CDC42BPA: variants seen among roughly 807,000 people sequenced by gnomAD.
CDC42BPA encodes CDC42 binding protein kinase alpha, also known as serine/threonine-protein kinase MRCK alpha.
In CDC42BPA, 80 loss-of-function variants were observed where a neutral mutation model predicts 223.5. The ratio of observed to expected loss-of-function variants is 0.36; its 90% CI spans 0.30 to 0.43. The LOEUF (loss-of-function observed/expected upper bound fraction) is 0.43, where lower values mean the gene tolerates loss of function less well. Among genes scored for constraint, CDC42BPA ranks in the 20% least tolerant of loss-of-function variants. The probability of loss-of-function intolerance (pLI) is 1.00; values close to 1 mark genes in which losing one functional copy is unlikely to be tolerated. For missense variants in CDC42BPA, 1,743 were observed against 2,099.9 expected (o/e 0.83, Z 3.32); for synonymous variants, 694 against 718.6 (o/e 0.97, Z 0.55).
intron 2 of CDC42BPA, among the ~76,000 whole-genome samples, chr1:227,231,555 C>T (rs1352842458): frequency 6.6e-6 from 1 of 152,012 alleles, no homozygotes; most frequent in African/African-American, 2.4e-5. Context: ...GAGGAATTGC[C>T]ACACTGTCTT....
At chr1:227,294,237 A>T (rs1308106018) in intron 1 of CDC42BPA, among the ~76,000 whole-genome samples, 1 of 151,830 alleles carries the variant, frequency 6.6e-6, no homozygotes, top group Non-Finnish European at 1.5e-5. Flanking sequence ...GCGCCACTGC[A>T]CTCCAGCCTG....
chr1:227,074,507 T>C, intron 17 of CDC42BPA, 143 bp from the exon 18 acceptor site: 4 of 586,114 alleles, frequency 6.8e-6, no homozygotes, highest in Non-Finnish European at 1.2e-5. Context: ...TCTACCATAG[T>C]ATACTACCTG....
At chr1:227,159,885 C>A (rs577067601) in intron 6 of CDC42BPA, among the ~76,000 whole-genome samples, 1 of 151,866 alleles carries the variant, frequency 6.6e-6, no homozygotes, top group South Asian at 2.1e-4. Flanking sequence ...TCACTGTTGC[C>A]CAGGCTGGAG....
At chr1:227,149,421 GA>G (rs1311342501) in intron 6 of CDC42BPA, among the ~76,000 whole-genome samples, 1 of 152,156 alleles carries the variant, frequency 6.6e-6, no homozygotes, top group African/African-American at 2.4e-5. Flanking sequence ...AAATCTTGCT[GA>G]ATATGAACTC....
intron 1 of CDC42BPA, among the ~76,000 whole-genome samples, chr1:227,264,582 A>T (rs1250941338): frequency 2.0e-5 from 3 of 151,938 alleles, no homozygotes; most frequent in Non-Finnish European, 2.9e-5. Flanking sequence ...GAGAGAAACA[A>T]GCAAGTCACG....
In CDC42BPA at chr1:227,146,566, G is replaced by A. The variant is rs1346511723; in HGVS notation, c.894+793C>T. The stretch of plus-strand genomic sequence containing the variant: ...CTTCTATCGGATATTCATATTCTAA[G>A]TATTTGCAACTGCTCACAATCTTCT... On this transcript the variant is annotated intron_variant, in intron 7 of 36. Transcript: ENST00000366766. Among the ~76,000 whole-genome samples, 3 of 152,056 alleles carry A rather than the reference G, an allele frequency of 2.0e-5. No homozygotes were observed. In the East Asian group the frequency reaches 5.8e-4, roughly 29 times the overall value.
intron 5 of CDC42BPA, among the ~76,000 whole-genome samples, chr1:227,182,236 T>C (rs1668068960): frequency 1.3e-5 from 2 of 152,212 alleles, no homozygotes; most frequent in Admixed American, 1.3e-4. Flanking sequence ...ATCCCATGAT[T>C]TGCATAGCAT....
intron 11 of CDC42BPA, among the ~76,000 whole-genome samples, chr1:227,125,602 T>TAA (rs78634914): frequency 3.1e-4 from 36 of 117,574 alleles, no homozygotes; most frequent in South Asian, 5.8e-4. Context: ...GTCTACAAAT[T>TAA]AAAAAAAAAA....
chr1:227,243,140 T>C (rs2718200), intron 2 of CDC42BPA, among the ~76,000 whole-genome samples: 14,906 of 151,980 alleles, frequency 0.098, 1,170 homozygotes, highest in East Asian at 0.36. Flanking sequence ...CATGGACACA[T>C]AGAAGGGAAC....
chr1:227,084,486 C>A (rs1386785776), intron 16 of CDC42BPA, among the ~76,000 whole-genome samples: 1 of 150,794 alleles, frequency 6.6e-6, no homozygotes, highest in African/African-American at 2.4e-5. Flanking sequence ...AGAGATAGTG[C>A]CACTGCACTC....
chr1:227,092,108 T>C (rs1683184219), intron 15 of CDC42BPA, 117 bp from the exon 16 acceptor site: 2 of 600,384 alleles, frequency 3.3e-6, no homozygotes, highest in East Asian at 2.9e-5. Context: ...TGCAGAAATG[T>C]TGTCCCCATA....
intron 4 of CDC42BPA, among the ~76,000 whole-genome samples, chr1:227,198,121 GA>G (rs201947984): frequency 0.017 from 2,572 of 152,082 alleles, 26 homozygotes; most frequent in Non-Finnish European, 0.026. Flanking sequence ...TACTTGTCAT[GA>G]ACTCTGTCAT....
chr1:227,037,330 T>C (rs1422400838), intron 24 of CDC42BPA, among the ~76,000 whole-genome samples: 3 of 152,242 alleles, frequency 2.0e-5, no homozygotes, highest in East Asian at 3.8e-4. Flanking sequence ...CTCATGTACT[T>C]GCTCTCTTCT....
At chr1:227,278,582 T>C (rs917218140) in intron 1 of CDC42BPA, among the ~76,000 whole-genome samples, 3 of 152,232 alleles carry the variant, frequency 2.0e-5, no homozygotes, top group African/African-American at 4.8e-5. Context: ...CTACAAAATA[T>C]TGACCTTGTT....
intron 1 of CDC42BPA, among the ~76,000 whole-genome samples, chr1:227,304,612 C>T (rs1272992066): frequency 6.6e-6 from 1 of 152,182 alleles, no homozygotes; most frequent in Non-Finnish European, 1.5e-5. Flanking sequence ...CTGCATATAA[C>T]AAGTATAACG....
At position 227,028,654 on chromosome 1, in the gene CDC42BPA, TACA is replaced by T. The variant is rs779962032; in HGVS notation, c.4432_4432+2del. ...AAGACAGCCGTAAGAAAGAGAATCT[TACA>T]ACAAGAGGAAGGATTTGCTGGCCAC... is the stretch of plus-strand genomic sequence containing the variant. On this transcript the variant is annotated splice_donor_variant and coding_sequence_variant, in exon 30 of 37. Coordinates refer to ENST00000366766, the MANE Select transcript of CDC42BPA (RefSeq NM_001394014.1). LOFTEE classifies it high-confidence loss of function. 6.5e-7 allele frequency: 1 copy of T among 1,536,656 alleles called. No individual in the cohort carries two copies. Among genetic ancestry groups the T allele is most frequent in the Admixed American group, 1.9e-5 (1 of 51,516 alleles).
chr1:227,115,366 A>G (rs1264909799), intron 12 of CDC42BPA, among the ~76,000 whole-genome samples: 1 of 152,118 alleles, frequency 6.6e-6, no homozygotes, highest in Non-Finnish European at 1.5e-5. Context: ...ATACACTAAG[A>G]AGAAATATTA....
At chr1:227,217,925 A>T (rs1188916257) in intron 2 of CDC42BPA, among the ~76,000 whole-genome samples, 2 of 152,148 alleles carry the variant, frequency 1.3e-5, no homozygotes, top group Non-Finnish European at 2.9e-5. Flanking sequence ...TCATTATTTC[A>T]TGAACTATGT....
In CDC42BPA at chr1:227,254,928, G is replaced by A. The variant is rs547574652; in HGVS notation, c.179-773C>T. 3.3e-5 allele frequency among the ~76,000 whole-genome samples: 5 copies of A among 152,272 alleles called. No individual in the cohort carries two copies. The South Asian group carries it at 1.0e-3, about 32-fold the overall frequency. Reference sequence around the variant, plus strand: ...GCAAGAGGGAACAATATAAGCAAATGAAGAGAGGCGAGGAAGTGAATTTGG... The same window carrying A: ...GCAAGAGGGAACAATATAAGCAAATAAAGAGAGGCGAGGAAGTGAATTTGG... On this transcript the variant is annotated intron_variant, in intron 1 of 36. Transcript: ENST00000366766.
Sources: allele counts gnomAD v4.1 joint callset (sites outside exome capture counted in the v4.1 genomes callset), GRCh38; gene constraint gnomAD v4.1.1; transcripts MANE v1.5; gene names NCBI Gene and HGNC (gene_info 2026-07-23, HGNC 2026-07-21).